The following SENP6 variants were observed in gnomAD, a reference collection of about 807,000 sequenced individuals.
SENP6 encodes the protein SUMO specific peptidase 6, also known as sentrin-specific protease 6.
SENP6 carries 41 observed loss-of-function variants against 134.5 expected under a neutral mutation model. That is an observed-to-expected ratio of 0.30 (90% CI 0.24 to 0.40). SENP6 has a LOEUF of 0.40. Among genes scored for constraint, SENP6 ranks in the 10% least tolerant of loss-of-function variants. The pLI is 1.00. For missense variants in SENP6, 1,248 were observed against 1,312.5 expected (o/e 0.95, Z 0.76); for synonymous variants, 395 against 429.8 (o/e 0.92, Z 1.00).
At chr6:75,695,720 G>A (rs1466128534) in intron 16 of SENP6, 84 bp from the exon 17 acceptor site, 1 of 1,163,826 alleles carries the variant, frequency 8.6e-7, no homozygotes, top group African/African-American at 1.6e-5. Context: ...CTGGGCAACA[G>A]AGTGAGACTC....
At position 75,711,394 on chromosome 6, in the gene SENP6, T is replaced by A. The variant is rs769051392; in HGVS notation, c.2887T>A (p.Leu963Ile). The change falls in exon 21 of 24, where the codon TTA becomes ATA. Residue 963 changes from leucine to isoleucine, a missense_variant. Around this residue, in one of 3 missense-constraint regions of SENP6, gnomAD observed 386 missense variants for 395.0 expected, o/e 0.98. Transcript: ENST00000447266. Reference sequence around the variant, plus strand: ...CAGTTCAGAAATAGGACAGTGGCATTTAAAGCCTACTATCTGTAAACAGTA... The same window carrying A: ...CAGTTCAGAAATAGGACAGTGGCATATAAAGCCTACTATCTGTAAACAGTA... Reference protein sequence around the residue: ...NCSSEIGQWHLKPTICKQPCI... With the variant: ...NCSSEIGQWHIKPTICKQPCI... The A allele has an allele frequency of 2.5e-6, 4 of 1,612,134 alleles. No homozygotes were observed. The South Asian group carries it at 4.4e-5, about 18-fold the overall frequency.
intron 7 of SENP6, among the ~76,000 whole-genome samples, chr6:75,652,698 A>AAAAAAAG (rs1554166656): frequency 2.0e-5 from 3 of 148,624 alleles, no homozygotes; most frequent in African/African-American, 7.6e-5. Flanking sequence ...AAAAAAAAAA[A>AAAAAAAG]AAAAAGAAAA....
intron 11 of SENP6, among the ~76,000 whole-genome samples, chr6:75,674,299 G>A (rs1772919112): frequency 6.6e-6 from 1 of 151,766 alleles, no homozygotes; most frequent in Admixed American, 6.6e-5. Flanking sequence ...TGGGACTATA[G>A]GTACATGCCA....
At chr6:75,664,505 A>C (rs1772042163) in intron 9 of SENP6, among the ~76,000 whole-genome samples, 1 of 152,122 alleles carries the variant, frequency 6.6e-6, no homozygotes, top group Non-Finnish European at 1.5e-5. Context: ...ATTGTCCCTA[A>C]TTCTACAGAG....
chr6:75,665,152 G>T (rs1772100888), intron 9 of SENP6, among the ~76,000 whole-genome samples: 1 of 152,186 alleles, frequency 6.6e-6, no homozygotes, highest in Non-Finnish European at 1.5e-5. Flanking sequence ...CGGGCATGGT[G>T]GTGGGTGCCT....
At chr6:75,630,634 CT>C (rs1228345740) in intron 3 of SENP6, among the ~76,000 whole-genome samples, 2 of 152,102 alleles carry the variant, frequency 1.3e-5, no homozygotes, top group Non-Finnish European at 2.9e-5. Flanking sequence ...AAGAGAAATC[CT>C]TTATTAAATT....
intron 16 of SENP6, among the ~76,000 whole-genome samples, chr6:75,688,552 G>A (rs1774012172): frequency 2.0e-5 from 3 of 151,726 alleles, no homozygotes; most frequent in African/African-American, 7.3e-5. Flanking sequence ...CCCCCGTCCA[G>A]GATTATATTC....
At chr6:75,691,864 G>C (rs1480799479) in intron 16 of SENP6, among the ~76,000 whole-genome samples, 23 of 151,782 alleles carry the variant, frequency 1.5e-4, no homozygotes, top group Non-Finnish European at 2.9e-5. Flanking sequence ...ATTGTTTTTT[G>C]GTTTTTTTTG....
chr6:75,714,979 T>C (rs1335867968), intron 23 of SENP6, among the ~76,000 whole-genome samples: 1 of 152,222 alleles, frequency 6.6e-6, no homozygotes, highest in East Asian at 1.9e-4. Context: ...CCTGTCTTTC[T>C]AAACTGGAGC....
At chr6:75,667,686 A>G (rs187653836) in intron 10 of SENP6, among the ~76,000 whole-genome samples, 1 of 152,196 alleles carries the variant, frequency 6.6e-6, no homozygotes, top group Admixed American at 6.5e-5. Flanking sequence ...CCATTAAAAA[A>G]TTTTTAATGT....
At position 75,676,052 on chromosome 6, in the gene SENP6, C is replaced by A; in HGVS notation, c.1619C>A (p.Thr540Lys). 6.3e-7 allele frequency: 1 copy of A among 1,578,160 alleles called. No homozygotes were observed. The highest frequency in any genetic ancestry group is 8.6e-7 in the Non-Finnish European group (1 of 1,161,370). ...WNDCKGVNKL[T>K]NLEEQYIILI... is the part of the protein sequence containing the mutation. ...GATTGTAAAGGAGTAAATAAATTAACAAGTAAGTTGTGTAAAACAGATTAT... is the reference window on the plus strand; with the variant it reads ...GATTGTAAAGGAGTAAATAAATTAAAAAGTAAGTTGTGTAAAACAGATTAT... The change falls in exon 13 of 24, where the codon ACA becomes AAA. Residue 540 changes from threonine to lysine, a missense_variant and splice_region_variant. Thr to Lys is a moderately conservative substitution (Grantham distance 78). This residue lies in a region of SENP6 where 733 missense variants were observed against 725.4 expected (regional missense o/e 1.01). Coordinates refer to ENST00000447266, the MANE Select transcript of SENP6 (RefSeq NM_015571.4).
In SENP6 at chr6:75,623,948, A is replaced by T; in HGVS notation, c.195A>T (p.Ser65=). ...SVDEDEDSET[S]KGKKLNRRSE... ...ATGAAGATGAGGATTCTGAAACCTC[A>T]AAAGGAAAAAAGGCAAGTGTTGCTT... The change falls in exon 3 of 24, where the codon TCA becomes TCT. Residue 65 remains serine, a synonymous_variant. Coordinates refer to ENST00000447266, the MANE Select transcript of SENP6 (RefSeq NM_015571.4). 6.2e-7 allele frequency: 1 copy of T among 1,608,820 alleles called. No individual in the cohort carries two copies. Among genetic ancestry groups the T allele is most frequent in the Non-Finnish European group, 8.5e-7 (1 of 1,176,872 alleles).
At chr6:75,648,196 C>G (rs542528960) in intron 7 of SENP6, among the ~76,000 whole-genome samples, 1 of 152,092 alleles carries the variant, frequency 6.6e-6, no homozygotes, top group African/African-American at 2.4e-5. Flanking sequence ...AAAAAGAGAC[C>G]ACACCTGCTA....
chr6:75,629,417 A>G (rs1212271871), intron 3 of SENP6, among the ~76,000 whole-genome samples: 1 of 152,078 alleles, frequency 6.6e-6, no homozygotes, highest in Non-Finnish European at 1.5e-5. Context: ...CTCTTGCCTC[A>G]GCCTCCTGAG....
intron 23 of SENP6, among the ~76,000 whole-genome samples, chr6:75,714,188 C>T (rs1484583472): frequency 6.6e-6 from 1 of 152,160 alleles, no homozygotes; most frequent in Admixed American, 6.6e-5. Flanking sequence ...CTCTCTAATT[C>T]TACAGATTCT....
chr6:75,680,199 G>A (rs1773367854), intron 16 of SENP6, among the ~76,000 whole-genome samples: 1 of 152,172 alleles, frequency 6.6e-6, no homozygotes, highest in Non-Finnish European at 1.5e-5. Context: ...AAGGGTACCA[G>A]GTAGCTCCTA....
Position 75,678,918 on chromosome 6 carries a change from T to A in SENP6, c.2066T>A (p.Phe689Tyr). ...GEFLNDVIID[F>Y]YLKYLVLEKL... ...TTTTTAAATGATGTTATTATAGACT[T>A]TTATTTGAAGTAAGTTAATTTTCCA... Residue 689 changes from phenylalanine (F) to tyrosine (Y), a missense_variant, in exon 16 of 24, where the codon TTT (phenylalanine) becomes TAT (tyrosine). Around this residue, in one of 3 missense-constraint regions of SENP6, gnomAD observed 129 missense variants for 192.0 expected, o/e 0.67. Coordinates refer to ENST00000447266, the MANE Select transcript of SENP6 (RefSeq NM_015571.4). The A allele has an allele frequency of 7.0e-7, 1 of 1,423,672 alleles. No individual in the cohort carries two copies. The highest frequency in any genetic ancestry group is 9.8e-7 in the Non-Finnish European group (1 of 1,015,314). The allele number at this position is 1,423,672 out of a possible 1,614,324, so 88.2% of individuals were successfully genotyped here. A position where few individuals can be genotyped will look rare whatever the true frequency, so the allele number is the denominator to read the frequency against.
chr6:75,667,308 A>G (rs951167703), intron 10 of SENP6, among the ~76,000 whole-genome samples: 24 of 152,328 alleles, frequency 1.6e-4, no homozygotes, highest in African/African-American at 5.5e-4. Context: ...AAAATTTCAA[A>G]AAGTTCACAT....
Position 75,715,499 on chromosome 6 carries a change from C to A in SENP6, c.3244C>A (p.Gln1082Lys). Residue 1082 changes from glutamine (Q) to lysine (K), a missense_variant, in exon 24 of 24, where the codon CAG becomes AAG. Gln to Lys is a moderately conservative substitution (Grantham distance 53). This residue lies in a region of SENP6 where 386 missense variants were observed against 395.0 expected (regional missense o/e 0.98). Transcript: ENST00000447266. ...RNIILKLQED[Q>K]SKEKRKHKDT... ...CATAATTCTGAAGCTACAGGAAGAT[C>A]AGAGCAAAGAGAAAAGAAAGCATAA... 1 of 1,613,122 alleles carries A rather than the reference C, an allele frequency of 6.2e-7. No individual in the cohort carries two copies. Among genetic ancestry groups the A allele is most frequent in the Non-Finnish European group, 8.5e-7 (1 of 1,179,462 alleles).
Sources: gnomAD v4.1 joint callset for allele counts (sites outside exome capture counted in the v4.1 genomes callset) on GRCh38, gnomAD v4.1.1 for gene constraint, gnomAD v4.1.1 regional missense constraint, MANE v1.5 for transcripts, NCBI Gene and HGNC (gene_info 2026-07-23, HGNC 2026-07-21) for gene names.